TCTN1: variants seen among roughly 807,000 people sequenced by gnomAD.
TCTN1 encodes tectonic family member 1.
A neutral mutation model predicts 65.8 loss-of-function variants in TCTN1; 58 were observed. The observed-to-expected ratio is 0.88, with a 90% CI of 0.71 to 1.10. The LOEUF is 1.10. Among genes scored for constraint, TCTN1 ranks in the 50% least tolerant of loss-of-function variants. The probability of loss-of-function intolerance (pLI) is 0.00; values close to 1 mark genes in which losing one functional copy is unlikely to be tolerated. For synonymous variants in TCTN1, 273 were observed against 289.1 expected (o/e 0.94, Z 0.57); for missense variants, 645 against 719.4 (o/e 0.90, Z 1.18).
At position 110,622,146 on chromosome 12, in the gene TCTN1, AT is replaced by A. The variant is rs560355655; in HGVS notation, c.341+2191del. Among the ~76,000 whole-genome samples the A allele has an allele frequency of 7.0e-3, 1,054 of 151,032 alleles. 1 individual carries two copies. Among genetic ancestry groups the A allele is most frequent in the Non-Finnish European group, 9.3e-3 (634 of 67,970 alleles). On this transcript the variant is annotated intron_variant, in intron 2 of 14. Coordinates refer to ENST00000397659, the MANE Select transcript of TCTN1 (RefSeq NM_001082538.3). Reference sequence around the variant, plus strand: ...GAGCGAAACTCCATAAAAAAAAATAATAATAATAATAATGAGTTGAATGGAT... The same window carrying A: ...GAGCGAAACTCCATAAAAAAAAATAAAATAATAATAATGAGTTGAATGGAT...
At chr12:110,620,614 C>T (rs1244780173) in intron 2 of TCTN1, among the ~76,000 whole-genome samples, 1 of 152,070 alleles carries the variant, frequency 6.6e-6, no homozygotes, top group Non-Finnish European at 1.5e-5. Flanking sequence ...ATTTTAATTT[C>T]ACAGCTTTTG....
Position 110,619,031 on chromosome 12 carries a change from A to C in TCTN1, c.221-805A>C, listed in dbSNP as rs552384308. Among the ~76,000 whole-genome samples the C allele has an allele frequency of 1.7e-4, 26 of 151,208 alleles. No homozygotes were observed. The South Asian group carries it at 5.2e-3, about 30-fold the overall frequency. Reference sequence around the variant, plus strand: ...AATAAAAATACAAAAAAAAAAAAAAAGTTGGGCGTGGTAGTGCATGCCTTT... The same window carrying C: ...AATAAAAATACAAAAAAAAAAAAAACGTTGGGCGTGGTAGTGCATGCCTTT... On this transcript the variant is annotated intron_variant, in intron 1 of 14. Transcript: ENST00000397659.
chr12:110,637,809 C>G (rs1030542340), intron 7 of TCTN1, among the ~76,000 whole-genome samples: 1 of 152,166 alleles, frequency 6.6e-6, no homozygotes, highest in African/African-American at 2.4e-5. Context: ...GGGCAGCAGC[C>G]CTATCAGCCT....
chr12:110,626,262 A>T, intron 2 of TCTN1, 100 bp from the exon 3 acceptor site: 1 of 1,328,520 alleles, frequency 7.5e-7, no homozygotes, highest in Non-Finnish European at 1.0e-6. Flanking sequence ...CGTAACTGTT[A>T]ACATAGTACA....
chr12:110,641,858 T>G, intron 10 of TCTN1: 2 of 560,264 alleles, frequency 3.6e-6, no homozygotes, highest in South Asian at 2.4e-5. Context: ...AAAATGTCAG[T>G]GTTTTTTTTT....
chr12:110,647,270 C>T lies in TCTN1; in HGVS notation c.1569C>T (p.Ser523=). The change falls in exon 13 of 15, where the codon TCC becomes TCT. Residue 523 remains serine (S), a synonymous_variant. Coordinates refer to ENST00000397659, the MANE Select transcript of TCTN1 (RefSeq NM_001082538.3). ...VIEVKWTKYG[S]LLNPQAKIVN... ...AAGTGAAGTGGACTAAATACGGATCCCTGCTGAATCCACAGGCCAAAATAG... is the reference window on the plus strand; with the variant it reads ...AAGTGAAGTGGACTAAATACGGATCTCTGCTGAATCCACAGGCCAAAATAG... 2 of 1,614,138 alleles carry T rather than the reference C, an allele frequency of 1.2e-6. No homozygotes were observed. The highest frequency in any genetic ancestry group is 1.7e-6 in the Non-Finnish European group (2 of 1,180,028).
At chr12:110,615,528 T>G (rs1459608789) in intron 1 of TCTN1, among the ~76,000 whole-genome samples, 1 of 152,216 alleles carries the variant, frequency 6.6e-6, no homozygotes, top group Non-Finnish European at 1.5e-5. Flanking sequence ...TTACCCAGGC[T>G]GGAGTGCAGT....
Position 110,647,908 on chromosome 12 carries a change from T to C in TCTN1, c.*1+15T>C, listed in dbSNP as rs771490081. The C allele has an allele frequency of 3.1e-6, 5 of 1,612,694 alleles. No individual in the cohort carries two copies. The East Asian group carries it at 1.1e-4, about 36-fold the overall frequency. ...GTTTGTTTGACGTAAGTGAGGAAAC[T>C]ACGCCCCTCCTCTGAGGTCATCCCC... is the stretch of plus-strand genomic sequence containing the variant. On this transcript the variant is annotated intron_variant, in intron 14 of 14. Transcript: ENST00000397659.
Position 110,647,240 on chromosome 12 carries a change from T to C in TCTN1, c.1539T>C (p.Val513=). ...QDSCQLPGAL[V]IEVKWTKYGS... ...CCTGCCAGCTCCCAGGGGCTTTGGT[T>C]ATAGAAGTGAAGTGGACTAAATACG... Residue 513 remains valine, a synonymous_variant, in exon 13 of 15, where the codon GTT becomes GTC. Transcript: ENST00000397659. The C allele has an allele frequency of 1.2e-6, 2 of 1,614,200 alleles. No individual in the cohort carries two copies. The highest frequency in any genetic ancestry group is 1.7e-6 in the Non-Finnish European group (2 of 1,180,036).
intron 2 of TCTN1, among the ~76,000 whole-genome samples, chr12:110,623,378 C>T (rs779273952): frequency 4.6e-5 from 7 of 152,268 alleles, no homozygotes; most frequent in South Asian, 2.1e-4. Flanking sequence ...CCAGTAAAAA[C>T]GGAATGATAA....
At chr12:110,622,083 G>T (rs1482200433) in intron 2 of TCTN1, among the ~76,000 whole-genome samples, 1 of 151,812 alleles carries the variant, frequency 6.6e-6, no homozygotes, top group Admixed American at 6.6e-5. Context: ...GGTTGCAGGA[G>T]CCAAGATCGC....
At chr12:110,629,081 A>T (rs1305020997) in intron 4 of TCTN1, 163 bp downstream of exon 4, 1 of 793,628 alleles carries the variant, frequency 1.3e-6, no homozygotes, top group Non-Finnish European at 2.0e-6. Flanking sequence ...CATGAAAATT[A>T]AAACTGAATA....
chr12:110,641,138 C>A lies in TCTN1; in HGVS notation c.1093C>A (p.His365Asn). 1 of 1,614,188 alleles carries A rather than the reference C, an allele frequency of 6.2e-7. No individual in the cohort carries two copies. The highest frequency in any genetic ancestry group is 8.5e-7 in the Non-Finnish European group (1 of 1,180,024). Reference sequence around the variant, plus strand: ...CCCACTGCAGCAAAAGTTTGAAATTCATTTTCTTCAGGTAAGGTTGATCAA... The same window carrying A: ...CCCACTGCAGCAAAAGTTTGAAATTAATTTTCTTCAGGTAAGGTTGATCAA... ...VVPLQQKFEIHFLQENTQPVP... is the reference protein window; with the variant it reads ...VVPLQQKFEINFLQENTQPVP... Residue 365 changes from histidine (H) to asparagine (N), a missense_variant, in exon 9 of 15, where the codon CAT becomes AAT. His to Asn is a moderately conservative substitution (Grantham distance 68). Transcript: ENST00000397659.
At chr12:110,629,811 A>C (rs1217772722) in intron 4 of TCTN1, 1 of 152,228 alleles carries the variant, frequency 6.6e-6, no homozygotes, top group Non-Finnish European at 1.5e-5. Context: ...TTGCAGCACT[A>C]TTCACAATAG....
At chr12:110,643,721 C>T (rs1173326222) in intron 11 of TCTN1, 1 of 152,188 alleles carries the variant, frequency 6.6e-6, no homozygotes, top group Non-Finnish European at 1.5e-5. Context: ...GTTGCCCAGG[C>T]TGGAGTGCAG....
chr12:110,637,787 A>T (rs547928648), intron 7 of TCTN1, among the ~76,000 whole-genome samples: 1 of 152,334 alleles, frequency 6.6e-6, no homozygotes, highest in Non-Finnish European at 1.5e-5. Flanking sequence ...TCAAAACTGG[A>T]ACCGTCTGTG....
chr12:110,646,166 A>G (rs1416374956), intron 12 of TCTN1: 1 of 152,234 alleles, frequency 6.6e-6, no homozygotes, highest in African/African-American at 2.4e-5. Context: ...GTTTTGTACC[A>G]ACTCTGCCGG....
chr12:110,638,521 T>C lies in TCTN1; in HGVS notation c.844-1862T>C, dbSNP rs557819688. Among the ~76,000 whole-genome samples the C allele has an allele frequency of 1.4e-4, 22 of 152,286 alleles. No individual in the cohort carries two copies. In the South Asian group the frequency reaches 4.1e-3, roughly 29 times the overall value. ...ATTCCAGGGTAGCCCTGTAGTTTCA[T>C]TGAGTATGCTGGAGTTCTTTACCAG... is the stretch of plus-strand genomic sequence containing the variant. On this transcript the variant is annotated intron_variant, in intron 7 of 14. Coordinates refer to ENST00000397659, the MANE Select transcript of TCTN1 (RefSeq NM_001082538.3).
rs2066953506 is a variant in TCTN1, at chr12:110,641,560, C to T, written c.1123C>T (p.Pro375Ser). 25 of 1,614,178 alleles carry T rather than the reference C, an allele frequency of 1.5e-5. No individual in the cohort carries two copies. The highest frequency in any genetic ancestry group is 2.0e-5 in the Non-Finnish European group (24 of 1,180,038). The change falls in exon 10 of 15, where the codon CCT (proline) becomes TCT (serine). Residue 375 changes from proline to serine, a missense_variant. Coordinates refer to ENST00000397659, the MANE Select transcript of TCTN1 (RefSeq NM_001082538.3). ...HFLQENTQPV[P>S]LSGNPGYVVG... is the part of the protein sequence containing the mutation. The stretch of plus-strand genomic sequence containing the variant: ...CTTTCAGGAAAATACCCAGCCAGTC[C>T]CTCTCAGTGGAAACCCTGGTTATGT...
Sources: gnomAD v4.1 joint callset for allele counts (sites outside exome capture counted in the v4.1 genomes callset) on GRCh38, gnomAD v4.1.1 for gene constraint, MANE v1.5 for transcripts, NCBI Gene and HGNC (gene_info 2026-07-23, HGNC 2026-07-21) for gene names.